ZNF875: variants seen among roughly 807,000 people sequenced by gnomAD.
ZNF875 encodes the protein HKR1, GLI-Kruppel zinc finger family member.
In ZNF875, 14 loss-of-function variants were observed where a neutral mutation model predicts 11.2. The observed-to-expected ratio is 1.26, with a 90% CI of 0.83 to 1.96. The LOEUF (loss-of-function observed/expected upper bound fraction) is 1.96. Ranked by LOEUF, ZNF875 falls within the 30% of genes most tolerant of loss-of-function variation. The pLI, the probability that ZNF875 is intolerant of heterozygous loss-of-function variation, is 0.00. For missense variants in ZNF875, 752 were observed against 760.4 expected, an observed-to-expected ratio of 0.99 and a Z score of 0.13; for synonymous variants, 301 against 281.1, an observed-to-expected ratio of 1.07 and a Z score of -0.71.
At chr19:37,321,701 G>A (rs752383739) in intron 1 of ZNF875, among the ~76,000 whole-genome samples, 22 of 152,150 alleles carry the variant, frequency 1.4e-4, no homozygotes, top group Admixed American at 7.2e-4. Context: ...CCTCAGGGTA[G>A]TCAGAATTCT....
At chr19:37,326,772 A>G (rs1027709168) in intron 4 of ZNF875, among the ~76,000 whole-genome samples, 5 of 138,858 alleles carry the variant, frequency 3.6e-5, no homozygotes, top group African/African-American at 1.4e-4. Context: ...GATTCAAGTG[A>G]TTCTCCTGCC....
At chr19:37,326,545 T>C (rs562539445) in intron 4 of ZNF875, among the ~76,000 whole-genome samples, 1 of 152,306 alleles carries the variant, frequency 6.6e-6, no homozygotes, top group East Asian at 1.9e-4. Context: ...TGGTTGGGTA[T>C]TTATTTGCAA....
chr19:37,327,406 A>G (rs1256589863), intron 4 of ZNF875, among the ~76,000 whole-genome samples: 1 of 152,176 alleles, frequency 6.6e-6, no homozygotes, highest in Non-Finnish European at 1.5e-5. Context: ...GCTTTGCATC[A>G]TTGAACATTT....
intron 4 of ZNF875, 63 bp from the exon 5 acceptor site, chr19:37,362,046 C>G: frequency 9.5e-7 from 1 of 1,048,818 alleles, no homozygotes; most frequent in South Asian, 1.5e-5. Context: ...GACCAGTGGG[C>G]AAGGCAAAAT....
chr19:37,340,567 G>A (rs1227552381), intron 2 of ZNF875, among the ~76,000 whole-genome samples: 2 of 149,370 alleles, frequency 1.3e-5, no homozygotes, highest in African/African-American at 2.5e-5. Flanking sequence ...ATTGTATCCT[G>A]TTGTCTGATG....
intron 1 of ZNF875, among the ~76,000 whole-genome samples, chr19:37,319,362 T>TATATATATATATATATATAG (rs1416062987): frequency 6.9e-6 from 1 of 144,554 alleles, no homozygotes; most frequent in Non-Finnish European, 1.5e-5. Flanking sequence ...TATATATATA[T>TATATATATATATATATATAG]ATATATAATA....
chr19:37,315,184 G>A (rs2030130560), upstream of ZNF875: 1 of 152,124 alleles, frequency 6.6e-6, no homozygotes, highest in South Asian at 2.1e-4. Context: ...TATTTTCAAG[G>A]TTTATTAAAT....
chr19:37,359,694 GC>G, intron 4 of ZNF875: 1 of 224,532 alleles, frequency 4.5e-6, no homozygotes, highest in Non-Finnish European at 8.9e-6. Flanking sequence ...GAGCCACCAT[GC>G]CTGGCCCTTT....
chr19:37,319,351 A>ATATATATATATATATATATATATC (rs2030849778), intron 1 of ZNF875, among the ~76,000 whole-genome samples: 1 of 142,074 alleles, frequency 7.0e-6, no homozygotes, highest in African/African-American at 2.7e-5. Context: ...CGGCATATAT[A>ATATATATATATATATATATATATC]TATATATATA....
In ZNF875 at chr19:37,334,742, T is replaced by C; in HGVS notation, c.-97T>C. ...TCCCACACCTCTGCACCTTGTTACC[T>C]GACTTTCGGCTTCAGGATCCGCAGC... On this transcript the variant is annotated 5_prime_UTR_variant, in exon 1 of 5. Transcript: ENST00000392153. 1 of 456,212 alleles carries C rather than the reference T, an allele frequency of 2.2e-6. No individual in the cohort carries two copies. 28.3% of individuals were successfully genotyped at this position (456,212 alleles called of 1,614,324 possible). A position where few individuals can be genotyped will look rare whatever the true frequency, so the allele number is the denominator to read the frequency against.
At chr19:37,318,711 C>T (rs1021139319) in intron 1 of ZNF875, among the ~76,000 whole-genome samples, 1 of 151,802 alleles carries the variant, frequency 6.6e-6, no homozygotes, top group African/African-American at 2.4e-5. Context: ...GTAGTAGAGA[C>T]GGGGTTTCAC....
At chr19:37,327,620 A>G (rs947393638) in intron 4 of ZNF875, among the ~76,000 whole-genome samples, 2 of 151,082 alleles carry the variant, frequency 1.3e-5, no homozygotes, top group Non-Finnish European at 3.0e-5. Flanking sequence ...ATACAAAATT[A>G]TTCGTGTAGT....
chr19:37,333,739 C>G (rs1208966884), upstream of ZNF875, among the ~76,000 whole-genome samples: 1 of 152,022 alleles, frequency 6.6e-6, no homozygotes, highest in Non-Finnish European at 1.5e-5. Context: ...CAGGCCCTCA[C>G]TTCTGTAAAT....
chr19:37,325,681 GACTACAGGC>G (rs1311599664), intron 4 of ZNF875, among the ~76,000 whole-genome samples: 18 of 151,798 alleles, frequency 1.2e-4, no homozygotes, highest in Admixed American at 1.1e-3. Context: ...AGGTAGTTTG[GACTACAGGC>G]ACACACCACC....
intron 3 of ZNF875, among the ~76,000 whole-genome samples, chr19:37,324,041 T>C (rs1284240238): frequency 2.0e-5 from 3 of 152,194 alleles, no homozygotes; most frequent in Non-Finnish European, 4.4e-5. Context: ...CAGTTTAAAA[T>C]TGTTGAGCTT....
At chr19:37,319,562 CA>C (rs1191630719) in intron 1 of ZNF875, among the ~76,000 whole-genome samples, 6 of 151,850 alleles carry the variant, frequency 4.0e-5, no homozygotes, top group Non-Finnish European at 8.8e-5. Flanking sequence ...TCTTGATTCT[CA>C]GCTCCCCTCT....
At chr19:37,332,574 C>T (rs2033572992), upstream of ZNF875, among the ~76,000 whole-genome samples, 1 of 152,024 alleles carries the variant, frequency 6.6e-6, no homozygotes. Context: ...CTGAGGTAGC[C>T]TCATTCTACA....
chr19:37,362,519 T>C lies in ZNF875; in HGVS notation c.667T>C (p.Phe223Leu), dbSNP rs1277683213. The change falls in exon 5 of 5, where the codon TTT becomes CTT. Residue 223 changes from phenylalanine (F) to leucine (L), a missense_variant. Coordinates refer to ENST00000392153, the MANE Select transcript of ZNF875 (RefSeq NM_001353803.2). ...KVLHGLEVSG[F>L]GEIKYEEFGP... is the part of the protein sequence containing the mutation. ...ATTGCATGGTTTAGAAGTCTCAGGA[T>C]TTGGAGAAATCAAATATGAAGAGTT... is the stretch of plus-strand genomic sequence containing the variant. 1.9e-6 allele frequency: 3 copies of C among 1,614,008 alleles called. No individual in the cohort carries two copies. The highest frequency in any genetic ancestry group is 3.3e-5 in the Admixed American group (2 of 59,988).
chr19:37,334,349 A>C (rs1172274849), upstream of ZNF875, among the ~76,000 whole-genome samples: 1 of 152,226 alleles, frequency 6.6e-6, no homozygotes. Context: ...AGGTCAGCGC[A>C]CACTGGCCAC....
Sources: gnomAD v4.1 joint callset for allele counts (sites outside exome capture counted in the v4.1 genomes callset) on GRCh38, gnomAD v4.1.1 for gene constraint, MANE v1.5 for transcripts, NCBI Gene and HGNC (gene_info 2026-07-23, HGNC 2026-07-21) for gene names.